The following AKAP19 variants were observed in gnomAD, a reference collection of about 807,000 sequenced individuals.
AKAP19 encodes the protein A-kinase anchoring protein 19, also known as small A-kinase anchoring protein.
chr2:190,046,729 T>C, the AKAP19 span, among the ~76,000 whole-genome samples: 1 of 152,374 alleles, frequency 6.6e-6, no homozygotes, highest in African/African-American at 2.4e-5. Flanking sequence ...ATTGCAGTTG[T>C]TGCAGGTATC....
the AKAP19 span, among the ~76,000 whole-genome samples, chr2:190,195,304 A>G: frequency 2.6e-5 from 4 of 152,220 alleles, no homozygotes; most frequent in Non-Finnish European, 4.4e-5. Flanking sequence ...AGATTTTTGC[A>G]TGGATTTAAG....
chr2:190,085,156 G>A, the AKAP19 span, among the ~76,000 whole-genome samples: 1 of 152,282 alleles, frequency 6.6e-6, no homozygotes, highest in South Asian at 2.1e-4. Context: ...TGCTTGAGGG[G>A]AGGGAAAGGA....
At chr2:190,173,907 C>T in the AKAP19 span, among the ~76,000 whole-genome samples, 25 of 152,252 alleles carry the variant, frequency 1.6e-4, no homozygotes, top group African/African-American at 4.1e-4. Flanking sequence ...TTGTTCTTTA[C>T]GTCTTCTTGC....
the AKAP19 span, among the ~76,000 whole-genome samples, chr2:190,017,304 A>G: frequency 6.6e-6 from 1 of 151,986 alleles, no homozygotes; most frequent in African/African-American, 2.4e-5. Context: ...ATGGCATACT[A>G]CTGCTATTTT....
At chr2:190,060,217 G>C in the AKAP19 span, 4 of 1,612,888 alleles carry the variant, frequency 2.5e-6, no homozygotes, top group African/African-American at 5.3e-5. Flanking sequence ...CCAGTGCCTG[G>C]GTTCATGTCA....
At chr2:190,180,676 A>T in the AKAP19 span, 1 of 985,276 alleles carries the variant, frequency 1.0e-6, no homozygotes, top group Non-Finnish European at 1.2e-6. The surrounding 1 kb of genome is among the most constrained non-coding windows in gnomAD (Gnocchi z 6.8). Flanking sequence ...GTATCGAGGC[A>T]ACCCTCTGCC....
the AKAP19 span, among the ~76,000 whole-genome samples, chr2:190,093,806 A>C: frequency 6.6e-6 from 1 of 152,228 alleles, no homozygotes; most frequent in African/African-American, 2.4e-5. Context: ...CACAGCTGTC[A>C]GTATATTTTT....
At chr2:190,159,313 T>A in the AKAP19 span, among the ~76,000 whole-genome samples, 1 of 152,230 alleles carries the variant, frequency 6.6e-6, no homozygotes. Flanking sequence ...GGAGGCTCAC[T>A]TGAGTTCTGG....
At chr2:190,194,350 T>C in the AKAP19 span, among the ~76,000 whole-genome samples, 1 of 152,142 alleles carries the variant, frequency 6.6e-6, no homozygotes, top group Non-Finnish European at 1.5e-5. Context: ...CAGTTTTAAG[T>C]TGTGTATCTT....
chr2:190,032,057 T>G, the AKAP19 span, among the ~76,000 whole-genome samples: 1 of 152,224 alleles, frequency 6.6e-6, no homozygotes, highest in Admixed American at 6.5e-5. Context: ...TATATGAGAC[T>G]GAATACAATA....
At chr2:189,896,664 A>G in the AKAP19 span, among the ~76,000 whole-genome samples, 1 of 152,160 alleles carries the variant, frequency 6.6e-6, no homozygotes, top group Non-Finnish European at 1.5e-5. Context: ...AATATGAATG[A>G]CTGGAATATT....
chr2:190,031,125 G>A, the AKAP19 span, among the ~76,000 whole-genome samples: 7 of 152,210 alleles, frequency 4.6e-5, no homozygotes, highest in Non-Finnish European at 1.0e-4. Flanking sequence ...CCAGGTGACA[G>A]GAGGATGGGT....
At chr2:190,163,457 A>AAC in the AKAP19 span, among the ~76,000 whole-genome samples, 166 of 125,618 alleles carry the variant, frequency 1.3e-3, no homozygotes, top group African/African-American at 4.9e-3. Context: ...ACAAAAAACA[A>AAC]AAAAAAAAAA....
At chr2:189,922,674 T>G in the AKAP19 span, among the ~76,000 whole-genome samples, 1 of 152,236 alleles carries the variant, frequency 6.6e-6, no homozygotes, top group Non-Finnish European at 1.5e-5. Flanking sequence ...TTTTAGTTCT[T>G]ATACTGTAAA....
chr2:190,062,617 C>A, the AKAP19 span: 1 of 1,606,344 alleles, frequency 6.2e-7, no homozygotes, highest in East Asian at 2.2e-5. Flanking sequence ...TCAATATAAT[C>A]TTTTTTCTTG....
At chr2:189,904,201 T>C in the AKAP19 span, among the ~76,000 whole-genome samples, 9 of 152,212 alleles carry the variant, frequency 5.9e-5, no homozygotes, top group South Asian at 2.1e-4. Context: ...TACATTGCCT[T>C]ATATTTATGT....
At chr2:189,972,448 T>G in the AKAP19 span, among the ~76,000 whole-genome samples, 1 of 152,246 alleles carries the variant, frequency 6.6e-6, no homozygotes, top group Non-Finnish European at 1.5e-5. Context: ...TGGCTTAGGA[T>G]TGTCTTGGCA....
chr2:189,901,256 G>A, the AKAP19 span, among the ~76,000 whole-genome samples: 1 of 151,704 alleles, frequency 6.6e-6, no homozygotes, highest in East Asian at 1.9e-4. Context: ...TTTTTTAAAC[G>A]ATTTTTGCTC....
the AKAP19 span, among the ~76,000 whole-genome samples, chr2:189,951,224 CAG>C: frequency 1.1e-5 from 1 of 94,600 alleles, no homozygotes; most frequent in Non-Finnish European, 1.9e-5. Context: ...TTTTTTGAGA[CAG>C]AGTCTTGCAT....
Sources: allele counts gnomAD v4.1 joint callset (sites outside exome capture counted in the v4.1 genomes callset), GRCh38; gene constraint gnomAD v4.1.1; non-coding constraint Gnocchi (gnomAD v3.1); transcripts MANE v1.5; gene names NCBI Gene and HGNC (gene_info 2026-07-23, HGNC 2026-07-21).